PRKCE: variants seen among roughly 807,000 people sequenced by gnomAD.
PRKCE encodes the protein protein kinase C epsilon.
In PRKCE, 16 loss-of-function variants were observed where a neutral mutation model predicts 85.4. The ratio of observed to expected loss-of-function variants is 0.19; its 90% CI spans 0.13 to 0.28. The LOEUF (loss-of-function observed/expected upper bound fraction) is 0.28. Among genes scored for constraint, PRKCE ranks in the 10% least tolerant of loss-of-function variants. PRKCE has a pLI of 1.00. For synonymous variants in PRKCE, 388 were observed against 371.5 expected (o/e 1.04, Z -0.51); for missense variants, 573 against 975.2 (o/e 0.59, Z 5.49).
chr2:45,877,237 C>T (rs1694547438), intron 2 of PRKCE, among the ~76,000 whole-genome samples: 1 of 152,162 alleles, frequency 6.6e-6, no homozygotes. Flanking sequence ...AAGGTCCCCT[C>T]ACCCCATCTC....
At chr2:46,075,991 A>G (rs1198234029) in intron 10 of PRKCE, among the ~76,000 whole-genome samples, 1 of 152,222 alleles carries the variant, frequency 6.6e-6, no homozygotes, top group African/African-American at 2.4e-5. Flanking sequence ...AGAGAAAGCA[A>G]CCAGTGGGGC....
intron 1 of PRKCE, among the ~76,000 whole-genome samples, chr2:45,782,391 T>C (rs1686258824): frequency 6.6e-6 from 1 of 152,158 alleles, no homozygotes; most frequent in Non-Finnish European, 1.5e-5. Flanking sequence ...GAGGTGGTGT[T>C]GGGTTAGTCA....
intron 2 of PRKCE, among the ~76,000 whole-genome samples, chr2:45,844,177 A>G (rs748073394): frequency 1.6e-4 from 24 of 152,310 alleles, no homozygotes; most frequent in Non-Finnish European, 2.2e-4. Flanking sequence ...TTATCACCCA[A>G]TCTCAACAGG....
At chr2:45,837,772 G>T (rs1691008370) in intron 1 of PRKCE, among the ~76,000 whole-genome samples, 1 of 152,160 alleles carries the variant, frequency 6.6e-6, no homozygotes, top group Non-Finnish European at 1.5e-5. Context: ...ACTCTGTGAG[G>T]CTGAGGTGGG....
At chr2:45,881,680 T>G (rs557279659) in intron 2 of PRKCE, among the ~76,000 whole-genome samples, 2 of 152,318 alleles carry the variant, frequency 1.3e-5, no homozygotes, top group South Asian at 4.1e-4. Flanking sequence ...TTTTTACAGA[T>G]GAGGAAACTA....
chr2:45,959,310 T>C (rs1331253568), intron 2 of PRKCE, among the ~76,000 whole-genome samples: 2 of 152,130 alleles, frequency 1.3e-5, no homozygotes, highest in Non-Finnish European at 2.9e-5. Context: ...CTGCAATGTT[T>C]TTCTCAGGCA....
intron 1 of PRKCE, among the ~76,000 whole-genome samples, chr2:45,840,891 C>T (rs1216637245): frequency 1.3e-5 from 2 of 152,158 alleles, no homozygotes; most frequent in African/African-American, 4.8e-5. Context: ...CATCTTTCCT[C>T]TACCCTTTTT....
intron 8 of PRKCE, among the ~76,000 whole-genome samples, chr2:46,006,891 G>C (rs889186464): frequency 1.3e-5 from 2 of 152,192 alleles, no homozygotes; most frequent in African/African-American, 4.8e-5. Flanking sequence ...CATTTTGTTA[G>C]ATAACCTTGT....
chr2:45,700,757 C>T (rs1180459992), intron 1 of PRKCE: 1 of 152,148 alleles, frequency 6.6e-6, no homozygotes, highest in African/African-American at 2.4e-5. Flanking sequence ...CAGATGTAAT[C>T]AAGTTAAGAT....
intron 1 of PRKCE, among the ~76,000 whole-genome samples, chr2:45,687,731 C>A (rs1021406181): frequency 3.3e-5 from 5 of 152,222 alleles, no homozygotes; most frequent in Admixed American, 1.3e-4. Context: ...ACCTCAGAAA[C>A]AAGCTAGGCT....
At chr2:46,019,562 C>T (rs891975815) in intron 10 of PRKCE, among the ~76,000 whole-genome samples, 1 of 152,214 alleles carries the variant, frequency 6.6e-6, no homozygotes, top group Non-Finnish European at 1.5e-5. Flanking sequence ...TTCAGTTTTA[C>T]TATTCAAAGT....
chr2:45,913,414 T>A (rs1697522313), intron 2 of PRKCE, among the ~76,000 whole-genome samples: 1 of 152,166 alleles, frequency 6.6e-6, no homozygotes, highest in South Asian at 2.1e-4. Context: ...CCTCCCAGAG[T>A]GCTTGGATTA....
chr2:45,941,673 T>C (rs1026518402), intron 2 of PRKCE, among the ~76,000 whole-genome samples: 7 of 152,144 alleles, frequency 4.6e-5, no homozygotes, highest in African/African-American at 7.2e-5. Context: ...GAGCTAAAGA[T>C]GCTTTTTGTA....
chr2:46,035,194 C>T (rs1470982521), intron 10 of PRKCE, among the ~76,000 whole-genome samples: 1 of 152,242 alleles, frequency 6.6e-6, no homozygotes, highest in Non-Finnish European at 1.5e-5. Context: ...TGTCCCCATA[C>T]ACCACAGGCC....
At chr2:45,838,204 C>T (rs374969942) in intron 1 of PRKCE, among the ~76,000 whole-genome samples, 12 of 152,312 alleles carry the variant, frequency 7.9e-5, no homozygotes, top group African/African-American at 2.9e-4. Context: ...TGAGCCCACT[C>T]TGGGGACGGG....
At chr2:46,122,883 T>TG (rs1311994766) in intron 11 of PRKCE, among the ~76,000 whole-genome samples, 1 of 141,380 alleles carries the variant, frequency 7.1e-6, no homozygotes, top group Non-Finnish European at 1.5e-5. Flanking sequence ...CAGTCTGGGT[T>TG]TTTTTTTTTT....
At chr2:46,135,514 T>C (rs1674882694) in intron 11 of PRKCE, among the ~76,000 whole-genome samples, 1 of 152,126 alleles carries the variant, frequency 6.6e-6, no homozygotes, top group Admixed American at 6.5e-5. Context: ...TGGGATTAAA[T>C]GAAGTAAGAG....
chr2:46,041,548 C>T lies in PRKCE; in HGVS notation c.1437+31031C>T, dbSNP rs1294731709. Among the ~76,000 whole-genome samples the T allele has an allele frequency of 6.6e-6, 1 of 152,200 alleles. No individual in the cohort carries two copies. The highest frequency in any genetic ancestry group is 2.4e-5 in the African/African-American group (1 of 41,446). ...TGCAGGAACTATGGGAATCTCAGCA[C>T]ATAGTCTTAGATAAATTTTACAAGT... On this transcript the variant is annotated intron_variant, in intron 10 of 14. Transcript: ENST00000306156. This position sits in a 1 kb window ranked among gnomAD's most constrained non-coding sequence, Gnocchi z 5.5.
At chr2:45,663,993 C>T (rs1004121640) in intron 1 of PRKCE, among the ~76,000 whole-genome samples, 2 of 152,184 alleles carry the variant, frequency 1.3e-5, no homozygotes, top group African/African-American at 4.8e-5. Context: ...AGCCAACCAG[C>T]CATTCAACAA....
Sources: gnomAD v4.1 joint callset for allele counts (sites outside exome capture counted in the v4.1 genomes callset) on GRCh38, gnomAD v4.1.1 for gene constraint, Gnocchi (gnomAD v3.1) non-coding constraint, MANE v1.5 for transcripts, NCBI Gene and HGNC (gene_info 2026-07-23, HGNC 2026-07-21) for gene names.